Variants in SRGAP2C observed in about 807,000 individuals in gnomAD.
SRGAP2C encodes SLIT-ROBO Rho GTPase-activating protein 2C.
A neutral mutation model predicts 25.1 loss-of-function variants in SRGAP2C; 15 were observed. The ratio of observed to expected loss-of-function variants is 0.60; its 90% CI spans 0.40 to 0.92. The LOEUF is 0.92. Ranked by LOEUF, SRGAP2C falls within the 40% of genes least tolerant of loss-of-function variation. The probability of loss-of-function intolerance (pLI) is 0.00; values close to 1 mark genes in which losing one functional copy is unlikely to be tolerated. For synonymous variants in SRGAP2C, 44 were observed against 96.6 expected (o/e 0.46, Z 3.19); for missense variants, 144 against 264.4 (o/e 0.54, Z 3.16).
At chr1:121,263,456 G>T (rs1656683340) in intron 2 of SRGAP2C, among the ~76,000 whole-genome samples, 1 of 143,682 alleles carries the variant, frequency 7.0e-6, no homozygotes, top group African/African-American at 2.5e-5. Context: ...AAAAACTTCA[G>T]TGCTTTTCTT....
At chr1:121,190,157 C>A (rs1449642213) in intron 2 of SRGAP2C, among the ~76,000 whole-genome samples, 3 of 152,172 alleles carry the variant, frequency 2.0e-5, no homozygotes, top group Non-Finnish European at 2.9e-5. Context: ...GGCTCTGCCT[C>A]CCACTAGCTA....
At chr1:121,202,004 A>G (rs1190024571) in intron 2 of SRGAP2C, among the ~76,000 whole-genome samples, 2 of 152,152 alleles carry the variant, frequency 1.3e-5, no homozygotes, top group African/African-American at 2.4e-5. Flanking sequence ...CCCTCGGACA[A>G]TTCTTCAGTG....
At chr1:121,310,691 C>G (rs1273045663) in intron 3 of SRGAP2C, among the ~76,000 whole-genome samples, 1 of 88,852 alleles carries the variant, frequency 1.1e-5, no homozygotes, top group Non-Finnish European at 2.4e-5. Flanking sequence ...AATCCTTTCC[C>G]CATTGCTTGT....
rs1401621663 is a variant in SRGAP2C at position 121,288,601 on chromosome 1, G to A, written c.260+3606G>A. Among the ~76,000 whole-genome samples, 103 of 76,262 alleles carry A rather than the reference G, an allele frequency of 1.4e-3. 18 individuals are homozygous for A. Among genetic ancestry groups the A allele is most frequent in the African/African-American group, 5.7e-3 (98 of 17,270 alleles). 50.0% of individuals were successfully genotyped at this position (76,262 alleles called of 152,430 possible). A position where few individuals can be genotyped will look rare whatever the true frequency, so the allele number is the denominator to read the frequency against. ...CCAGAGCAGCTAGATACAGAGTGTCGATTGGTGCACTTACAAACCTTGAGC... is the reference window on the plus strand; with the variant it reads ...CCAGAGCAGCTAGATACAGAGTGTCAATTGGTGCACTTACAAACCTTGAGC... On this transcript the variant is annotated intron_variant, in intron 3 of 9. Transcript: ENST00000367123.
At chr1:121,260,090 C>G (rs1656588201) in intron 2 of SRGAP2C, among the ~76,000 whole-genome samples, 1 of 145,992 alleles carries the variant, frequency 6.8e-6, no homozygotes, top group South Asian at 2.2e-4. Context: ...TGGTCTCAAA[C>G]TCCTGGCTTC....
chr1:121,359,760 G>A (rs868989980), intron 4 of SRGAP2C, among the ~76,000 whole-genome samples: 2 of 152,162 alleles, frequency 1.3e-5, no homozygotes, highest in South Asian at 4.1e-4. Flanking sequence ...GGGCAATAGA[G>A]CAAGACCTTG....
chr1:121,359,940 G>A (rs1203720201), intron 4 of SRGAP2C, among the ~76,000 whole-genome samples: 1 of 152,056 alleles, frequency 6.6e-6, no homozygotes, highest in Non-Finnish European at 1.5e-5. Context: ...TCAGCACTCT[G>A]TAAAAATGCA....
At chr1:121,225,985 G>A (rs1372390268) in intron 2 of SRGAP2C, among the ~76,000 whole-genome samples, 1 of 151,148 alleles carries the variant, frequency 6.6e-6, no homozygotes, top group African/African-American at 2.4e-5. Flanking sequence ...GATTACAGGT[G>A]TGAGCCACCA....
intron 2 of SRGAP2C, among the ~76,000 whole-genome samples, chr1:121,189,310 T>G (rs2101360431): frequency 4.2e-5 from 1 of 23,570 alleles, no homozygotes; most frequent in African/African-American, 2.3e-4. Flanking sequence ...GCAAAGGATT[T>G]CTCAAGAGTG....
intron 2 of SRGAP2C, among the ~76,000 whole-genome samples, chr1:121,278,448 GTC>G (rs1238402902): frequency 2.7e-5 from 4 of 148,936 alleles, no homozygotes; most frequent in African/African-American, 1.0e-4. Context: ...GTGGTGCTGT[GTC>G]TCTCTCTCTG....
intron 2 of SRGAP2C, among the ~76,000 whole-genome samples, chr1:121,263,920 A>G (rs2101536037): frequency 6.6e-6 from 1 of 151,580 alleles, no homozygotes; most frequent in South Asian, 2.1e-4. Flanking sequence ...TTTCTGGTGG[A>G]TTGAGTCAAT....
intron 2 of SRGAP2C, among the ~76,000 whole-genome samples, chr1:121,243,938 G>A (rs1656178554): frequency 7.0e-6 from 1 of 142,856 alleles, no homozygotes; most frequent in Non-Finnish European, 1.5e-5. Context: ...TTTACATGAG[G>A]AGATTGGTAC....
chr1:121,226,135 C>T (rs1553326510), intron 2 of SRGAP2C, among the ~76,000 whole-genome samples: 1 of 150,470 alleles, frequency 6.6e-6, no homozygotes, highest in Non-Finnish European at 1.5e-5. Flanking sequence ...TTAATTTCTC[C>T]ATTTCTCTAA....
chr1:121,287,906 T>C (rs1657410632), intron 3 of SRGAP2C, among the ~76,000 whole-genome samples: 1 of 151,920 alleles, frequency 6.6e-6, no homozygotes, highest in Non-Finnish European at 1.5e-5. Context: ...GTGGTCTCGC[T>C]GGGCTCAGGA....
chr1:121,345,840 A>C (rs1291216857), intron 4 of SRGAP2C, among the ~76,000 whole-genome samples: 2 of 144,464 alleles, frequency 1.4e-5, no homozygotes, highest in South Asian at 2.2e-4. Flanking sequence ...TAGTAGAGAC[A>C]GGGTTTCACT....
At chr1:121,370,400 G>A (rs1442920765) in intron 5 of SRGAP2C, among the ~76,000 whole-genome samples, 1 of 145,338 alleles carries the variant, frequency 6.9e-6, no homozygotes, top group Non-Finnish European at 1.5e-5. Context: ...CCACTACAAT[G>A]GGAGAGGGGA....
At chr1:121,335,684 C>T (rs1477105553) in intron 4 of SRGAP2C, among the ~76,000 whole-genome samples, 5 of 150,642 alleles carry the variant, frequency 3.3e-5, no homozygotes, top group Non-Finnish European at 5.9e-5. Flanking sequence ...AACTCTGGGG[C>T]TCAAATGATC....
chr1:121,266,016 C>T (rs1377958584), intron 2 of SRGAP2C, among the ~76,000 whole-genome samples: 1 of 151,830 alleles, frequency 6.6e-6, no homozygotes, highest in Non-Finnish European at 1.5e-5. Context: ...CACTCTGTTG[C>T]CCAGGCTGGA....
intron 3 of SRGAP2C, among the ~76,000 whole-genome samples, chr1:121,323,591 G>A (rs1250761016): frequency 8.9e-6 from 1 of 112,962 alleles, no homozygotes; most frequent in Non-Finnish European, 1.8e-5. Context: ...ACTCCAGCCT[G>A]GGTGACAGAG....
Sources: allele counts gnomAD v4.1 joint callset (sites outside exome capture counted in the v4.1 genomes callset), GRCh38; gene constraint gnomAD v4.1.1; transcripts MANE v1.5; gene names NCBI Gene and HGNC (gene_info 2026-07-23, HGNC 2026-07-21).